B3GALT1: variants seen among roughly 807,000 people sequenced by gnomAD.
B3GALT1 encodes beta-1,3-galactosyltransferase 1.
In B3GALT1, 10 loss-of-function variants were observed where a neutral mutation model predicts 23.2. That is an observed-to-expected ratio of 0.43 (90% CI 0.27 to 0.73). The LOEUF is 0.73. Ranked by LOEUF, B3GALT1 falls within the 30% of genes least tolerant of loss-of-function variation. The probability of loss-of-function intolerance (pLI) is 0.21; values close to 1 mark genes in which losing one functional copy is unlikely to be tolerated. For synonymous variants in B3GALT1, 156 were observed against 141.5 expected, an observed-to-expected ratio of 1.10 and a Z score of -0.73; for missense variants, 299 against 405.4, an observed-to-expected ratio of 0.74 and a Z score of 2.25.
chr2:167,853,980 G>C (rs139041804), intron 4 of B3GALT1, among the ~76,000 whole-genome samples: 1 of 152,002 alleles, frequency 6.6e-6, no homozygotes, highest in African/African-American at 2.4e-5. Flanking sequence ...AGAGAAATAG[G>C]GTTTTCAGAT....
At chr2:167,855,520 T>C (rs916559320) in intron 4 of B3GALT1, among the ~76,000 whole-genome samples, 12 of 152,176 alleles carry the variant, frequency 7.9e-5, no homozygotes, top group African/African-American at 2.9e-4. Flanking sequence ...ATTGATTAAA[T>C]AGAAGTTACC....
chr2:167,310,854 G>C (rs1319249621), intron 1 of B3GALT1, among the ~76,000 whole-genome samples: 1 of 151,964 alleles, frequency 6.6e-6, no homozygotes, highest in Non-Finnish European at 1.5e-5. Context: ...CTTCAGTTGT[G>C]TTCAAGCACT....
At chr2:167,499,803 C>A (rs1018728093) in intron 2 of B3GALT1, among the ~76,000 whole-genome samples, 2 of 152,090 alleles carry the variant, frequency 1.3e-5, no homozygotes, top group Admixed American at 6.6e-5. Context: ...ACAGTTCTTC[C>A]TTTCCCCAGT....
At chr2:167,734,417 A>G (rs1687460433) in intron 3 of B3GALT1, among the ~76,000 whole-genome samples, 2 of 152,186 alleles carry the variant, frequency 1.3e-5, no homozygotes, top group Non-Finnish European at 2.9e-5. Context: ...CTTTTGCTGT[A>G]AGGCAATAGC....
intron 3 of B3GALT1, among the ~76,000 whole-genome samples, chr2:167,757,127 C>T (rs1223370370): frequency 1.3e-5 from 2 of 152,158 alleles, no homozygotes; most frequent in African/African-American, 2.4e-5. Flanking sequence ...GGAAGTGGTA[C>T]AGAAGAAGAT....
At chr2:167,436,920 A>T (rs1309699649) in intron 1 of B3GALT1, among the ~76,000 whole-genome samples, 1 of 152,202 alleles carries the variant, frequency 6.6e-6, no homozygotes, top group Non-Finnish European at 1.5e-5. Flanking sequence ...CATTTACACT[A>T]TGCAGACATA....
chr2:167,795,797 G>C (rs944342746), intron 3 of B3GALT1, among the ~76,000 whole-genome samples: 10 of 152,150 alleles, frequency 6.6e-5, no homozygotes, highest in Non-Finnish European at 1.0e-4. Flanking sequence ...AGCTCTCCAA[G>C]GTTTCCTCCA....
intron 2 of B3GALT1, among the ~76,000 whole-genome samples, chr2:167,589,565 A>G (rs1338967489): frequency 1.3e-5 from 2 of 152,166 alleles, no homozygotes; most frequent in Non-Finnish European, 2.9e-5. Flanking sequence ...AATAATCTAC[A>G]CTTTGCCCAC....
At chr2:167,512,590 A>ACG (rs1700031719) in intron 2 of B3GALT1, among the ~76,000 whole-genome samples, 2 of 95,066 alleles carry the variant, frequency 2.1e-5, no homozygotes, top group African/African-American at 5.2e-5. Context: ...GTATATATAT[A>ACG]TGTGTATATA....
intron 2 of B3GALT1, among the ~76,000 whole-genome samples, chr2:167,599,613 A>G: frequency 6.6e-6 from 1 of 152,200 alleles, no homozygotes. Flanking sequence ...TCTTCAAATT[A>G]AACATTTTTG....
At chr2:167,715,358 A>C (rs1024506906) in intron 3 of B3GALT1, 1 of 1,613,712 alleles carries the variant, frequency 6.2e-7, no homozygotes, top group Non-Finnish European at 8.5e-7. Flanking sequence ...AAGTTCAGTC[A>C]CTTGTTCTTT....
intron 2 of B3GALT1, among the ~76,000 whole-genome samples, chr2:167,500,978 C>A (rs1730713): frequency 0.5 from 76,583 of 151,822 alleles, 22,192 homozygotes; most frequent in East Asian, 0.98. Flanking sequence ...GATAATTTGG[C>A]TTTTTTTCAT....
At chr2:167,639,664 C>T (rs1275417036) in intron 2 of B3GALT1, among the ~76,000 whole-genome samples, 3 of 152,152 alleles carry the variant, frequency 2.0e-5, no homozygotes, top group African/African-American at 7.2e-5. Context: ...CTAACATATA[C>T]TCATGCAAAT....
chr2:167,384,174 G>A (rs1697884608), intron 1 of B3GALT1, among the ~76,000 whole-genome samples: 3 of 152,154 alleles, frequency 2.0e-5, no homozygotes, highest in Admixed American at 2.0e-4. Flanking sequence ...ATGAGATAAT[G>A]TATTAGAAGA....
chr2:167,386,547 A>AT (rs535303285), intron 1 of B3GALT1, among the ~76,000 whole-genome samples: 434 of 150,606 alleles, frequency 2.9e-3, no homozygotes, highest in African/African-American at 9.8e-3. Context: ...AGGTATTGAA[A>AT]TTTTTTTTTT....
At chr2:167,829,819 T>C (rs1689308046) in intron 4 of B3GALT1, among the ~76,000 whole-genome samples, 2 of 151,720 alleles carry the variant, frequency 1.3e-5, no homozygotes, top group African/African-American at 4.8e-5. Flanking sequence ...GGGTGGGAAG[T>C]TATGTGAGAA....
intron 1 of B3GALT1, among the ~76,000 whole-genome samples, chr2:167,298,115 A>G (rs2105477742): frequency 6.6e-6 from 1 of 152,300 alleles, no homozygotes; most frequent in South Asian, 2.1e-4. Flanking sequence ...AATGGTTACC[A>G]TATCTAGCAC....
chr2:167,492,633 G>A (rs1365316084), intron 2 of B3GALT1, among the ~76,000 whole-genome samples: 1 of 152,168 alleles, frequency 6.6e-6, no homozygotes, highest in Non-Finnish European at 1.5e-5. Flanking sequence ...ATTTTTACAA[G>A]CATTTGGTTT....
At chr2:167,346,748 G>T (rs2390558) in intron 1 of B3GALT1, among the ~76,000 whole-genome samples, 123,876 of 150,910 alleles carry the variant, frequency 0.82, 51,675 homozygotes, top group Middle Eastern at 0.91. Context: ...GTGTGTGTGG[G>T]GGGGGGGTGG....
Sources: gnomAD v4.1 joint callset for allele counts (sites outside exome capture counted in the v4.1 genomes callset) on GRCh38, gnomAD v4.1.1 for gene constraint, MANE v1.5 for transcripts, NCBI Gene and HGNC (gene_info 2026-07-23, HGNC 2026-07-21) for gene names.